The following CCDC171 variants were observed in gnomAD, a reference collection of about 807,000 sequenced individuals.
CCDC171 encodes coiled-coil domain containing 171, also known as coiled-coil domain-containing protein 171.
A neutral mutation model predicts 168.2 loss-of-function variants in CCDC171; 177 were observed. The observed-to-expected ratio is 1.05, with a 90% confidence interval of 0.93 to 1.19. CCDC171 has a LOEUF of 1.19. CCDC171 is among the 50% of genes most tolerant of loss of function. The pLI, the probability that CCDC171 is intolerant of heterozygous loss-of-function variation, is 0.00. For missense variants in CCDC171, 1,991 were observed against 1,539.0 expected (o/e 1.29, Z -4.91); for synonymous variants, 687 against 540.8 (o/e 1.27, Z -3.75).
chr9:15,869,452 C>A (rs1447657706), intron 23 of CCDC171, among the ~76,000 whole-genome samples: 1 of 150,212 alleles, frequency 6.7e-6, no homozygotes, highest in Admixed American at 6.7e-5. Flanking sequence ...TTGTAGAATT[C>A]ATGCGTTTAT....
chr9:15,943,825 C>G (rs1827987646), intron 25 of CCDC171, among the ~76,000 whole-genome samples: 1 of 151,846 alleles, frequency 6.6e-6, no homozygotes, highest in Admixed American at 6.6e-5. Context: ...AGGATAGACT[C>G]CTGTAGTGCA....
At chr9:15,899,556 G>A (rs1360306717) in intron 24 of CCDC171, among the ~76,000 whole-genome samples, 1 of 151,924 alleles carries the variant, frequency 6.6e-6, no homozygotes, top group East Asian at 1.9e-4. Context: ...ATCTTACTAT[G>A]GTTTTAAGTT....
At chr9:15,836,579 C>T (rs1004971618) in intron 21 of CCDC171, among the ~76,000 whole-genome samples, 2 of 152,144 alleles carry the variant, frequency 1.3e-5, no homozygotes, top group African/African-American at 2.4e-5. Flanking sequence ...TCTCGATCTC[C>T]TGACCTCGTG....
chr9:15,892,120 T>C (rs1820293609), intron 24 of CCDC171, among the ~76,000 whole-genome samples: 1 of 152,184 alleles, frequency 6.6e-6, no homozygotes, highest in South Asian at 2.1e-4. Context: ...AAAATGTGAA[T>C]CAGATATAGG....
chr9:15,856,136 T>C (rs1231740221), intron 23 of CCDC171, among the ~76,000 whole-genome samples: 5 of 151,960 alleles, frequency 3.3e-5, no homozygotes, highest in African/African-American at 1.2e-4. Flanking sequence ...TCTTGGAATG[T>C]CTTAATTTCT....
At chr9:15,995,430 T>G (rs966036923) in intron 3 of CCDC171, among the ~76,000 whole-genome samples, 4 of 152,210 alleles carry the variant, frequency 2.6e-5, no homozygotes, top group South Asian at 4.1e-4. Context: ...GGTGAGAAAT[T>G]CACTCCTTGA....
At chr9:15,793,630 A>G (rs2058397574) in intron 21 of CCDC171, among the ~76,000 whole-genome samples, 3 of 135,926 alleles carry the variant, frequency 2.2e-5, no homozygotes, top group Non-Finnish European at 4.5e-5. Context: ...ACTCACTGCA[A>G]GCTCTACTCT....
the CCDC171 span, among the ~76,000 whole-genome samples, chr9:16,077,105 T>A: frequency 2.0e-5 from 3 of 152,130 alleles, no homozygotes; most frequent in Non-Finnish European, 4.4e-5. Context: ...TTATCGTGTA[T>A]TAGATGCAGG....
At chr9:15,733,119 G>A (rs925824657) in intron 16 of CCDC171, among the ~76,000 whole-genome samples, 15 of 151,970 alleles carry the variant, frequency 9.9e-5, no homozygotes, top group African/African-American at 3.4e-4. Context: ...CTTTTTTGGT[G>A]AGTTATCTGT....
At chr9:16,041,021 A>G (rs925586866), upstream of CCDC171, among the ~76,000 whole-genome samples, 3 of 151,574 alleles carry the variant, frequency 2.0e-5, no homozygotes, top group East Asian at 3.9e-4. Flanking sequence ...ATGAGCAGCT[A>G]CTGTGTGTGT....
At chr9:15,748,255 G>A (rs1284109026) in intron 18 of CCDC171, among the ~76,000 whole-genome samples, 1 of 152,052 alleles carries the variant, frequency 6.6e-6, no homozygotes, top group Non-Finnish European at 1.5e-5. Context: ...GAAATAAAAC[G>A]AGAAGACAAG....
intron 9 of CCDC171, among the ~76,000 whole-genome samples, chr9:15,667,528 C>T (rs968840004): frequency 2.0e-5 from 3 of 152,040 alleles, no homozygotes; most frequent in Non-Finnish European, 4.4e-5. Context: ...CACCTGTAAT[C>T]CCACCTACCT....
At chr9:15,682,753 A>G (rs961749577) in intron 10 of CCDC171, among the ~76,000 whole-genome samples, 4 of 152,054 alleles carry the variant, frequency 2.6e-5, no homozygotes, top group African/African-American at 9.6e-5. Context: ...TCATGTTTAC[A>G]TGAAGATGTG....
chr9:15,979,429 T>C (rs993306371), intron 3 of CCDC171, among the ~76,000 whole-genome samples: 1 of 152,188 alleles, frequency 6.6e-6, no homozygotes, highest in Non-Finnish European at 1.5e-5. Flanking sequence ...TGGATTTTCA[T>C]AGATGCCCTT....
At chr9:15,843,190 A>G (rs904761607) in intron 21 of CCDC171, among the ~76,000 whole-genome samples, 6 of 152,098 alleles carry the variant, frequency 3.9e-5, no homozygotes, top group Non-Finnish European at 5.9e-5. Flanking sequence ...TTATCTAAAA[A>G]GAAATGCAAT....
chr9:15,827,368 G>C (rs2060056580), intron 21 of CCDC171, among the ~76,000 whole-genome samples: 1 of 151,962 alleles, frequency 6.6e-6, no homozygotes, highest in Non-Finnish European at 1.5e-5. Flanking sequence ...GTATTGTAGT[G>C]GTTTTACAAC....
chr9:15,575,317 G>T (rs537034855), intron 3 of CCDC171, among the ~76,000 whole-genome samples: 91 of 152,054 alleles, frequency 6.0e-4, no homozygotes, highest in Non-Finnish European at 1.1e-3. Context: ...CTACAGGCAC[G>T]CACGTGCCAC....
At chr9:15,701,163 T>G (rs1224506305) in intron 11 of CCDC171, among the ~76,000 whole-genome samples, 1 of 152,244 alleles carries the variant, frequency 6.6e-6, no homozygotes, top group Non-Finnish European at 1.5e-5. Flanking sequence ...ATGAATAGTT[T>G]GTAAATATTT....
intron 24 of CCDC171, among the ~76,000 whole-genome samples, chr9:15,897,331 A>T (rs775057946): frequency 6.6e-6 from 1 of 151,942 alleles, no homozygotes; most frequent in Non-Finnish European, 1.5e-5. Context: ...ATTTGCTATA[A>T]TTTCTAAGCT....
Sources: allele counts gnomAD v4.1 joint callset (sites outside exome capture counted in the v4.1 genomes callset), GRCh38; gene constraint gnomAD v4.1.1; transcripts MANE v1.5; gene names NCBI Gene and HGNC (gene_info 2026-07-23, HGNC 2026-07-21).